The following TTLL9 variants were observed in gnomAD, a reference collection of about 807,000 sequenced individuals.
TTLL9 encodes tubulin tyrosine ligase like 9.
A neutral mutation model predicts 65.6 loss-of-function variants in TTLL9; 47 were observed. That is an observed-to-expected ratio of 0.72 (90% confidence interval 0.57 to 0.91). The LOEUF (loss-of-function observed/expected upper bound fraction) is 0.91. Among genes scored for constraint, TTLL9 ranks in the 40% least tolerant of loss-of-function variants. The pLI is 0.00. For missense variants in TTLL9, 537 were observed against 568.8 expected, an observed-to-expected ratio of 0.94 and a Z score of 0.57; for synonymous variants, 179 against 204.8, an observed-to-expected ratio of 0.87 and a Z score of 1.07.
intron 6 of TTLL9, among the ~76,000 whole-genome samples, chr20:31,912,481 A>T (rs1434433874): frequency 3.3e-5 from 5 of 152,134 alleles, no homozygotes; most frequent in African/African-American, 1.2e-4. Flanking sequence ...CCCACCCCAG[A>T]GTATGATTCA....
At chr20:31,882,834 T>C (rs768580459) in intron 2 of TTLL9, among the ~76,000 whole-genome samples, 1 of 152,228 alleles carries the variant, frequency 6.6e-6, no homozygotes, top group Non-Finnish European at 1.5e-5. Context: ...TCCTTTGAAC[T>C]GTATAGCTGA....
chr20:31,880,289 A>G (rs2063099634), intron 2 of TTLL9, among the ~76,000 whole-genome samples: 1 of 152,078 alleles, frequency 6.6e-6, no homozygotes, highest in African/African-American at 2.4e-5. Context: ...CCATCCATCC[A>G]TCCGTTTATT....
chr20:31,888,076 A>G (rs1033487114), intron 3 of TTLL9, among the ~76,000 whole-genome samples: 2 of 151,156 alleles, frequency 1.3e-5, no homozygotes, highest in African/African-American at 4.9e-5. Flanking sequence ...TAGAGACAGG[A>G]TTTCTCCATG....
At chr20:31,906,278 G>A (rs549988902) in intron 4 of TTLL9, among the ~76,000 whole-genome samples, 2 of 152,322 alleles carry the variant, frequency 1.3e-5, no homozygotes, top group Non-Finnish European at 1.5e-5. Flanking sequence ...CAGATCTGGA[G>A]GTCACCTGGT....
At position 31,929,493 on chromosome 20, in the gene TTLL9, G is replaced by T. The variant is rs576616862; in HGVS notation, c.748+3402G>T. 2.0e-5 allele frequency among the ~76,000 whole-genome samples: 3 copies of T among 152,068 alleles called. No individual in the cohort carries two copies. In the East Asian group the frequency reaches 5.8e-4, roughly 29 times the overall value. On this transcript the variant is annotated intron_variant, in intron 10 of 14. Coordinates refer to ENST00000535842, the MANE Select transcript of TTLL9 (RefSeq NM_001008409.5). ...ATTTCCTTCCAGGCTCATTTGTAGG[G>T]AATTTTGTTGTCATTCACCTTTTAT...
At chr20:31,919,782 C>A in intron 6 of TTLL9, 82 bp from the exon 7 acceptor site, 8 of 1,161,880 alleles carry the variant, frequency 6.9e-6, no homozygotes, top group Non-Finnish European at 9.6e-6. Flanking sequence ...GACAGATATG[C>A]TGGGGAGAGC....
In TTLL9 at chr20:31,934,714, G is replaced by A. The variant is rs373712171; in HGVS notation, c.830G>A (p.Arg277His). 6.7e-5 allele frequency: 108 copies of A among 1,611,866 alleles called. 1 individual carries two copies. Among genetic ancestry groups the A allele is most frequent in the Middle Eastern group, 6.5e-4 (3 of 4,594 alleles). ...CAGGGCTGCAAGTGGACGCTGCAGC[G>A]CTTCCGGCAGTACCTGGCGTCCAAA... The part of the protein sequence containing the change: ...PKKGCKWTLQ[R>H]FRQYLASKHG... The change falls in exon 12 of 15, where the codon CGC (arginine) becomes CAC (histidine). Residue 277 changes from arginine to histidine, a missense_variant. By Grantham distance (29) the Arg-to-His change is conservative. Coordinates refer to ENST00000535842, the MANE Select transcript of TTLL9 (RefSeq NM_001008409.5).
intron 2 of TTLL9, among the ~76,000 whole-genome samples, chr20:31,880,914 G>C (rs893777279): frequency 6.7e-6 from 1 of 148,500 alleles, no homozygotes; most frequent in Non-Finnish European, 1.5e-5. Flanking sequence ...GAGTGCAGTG[G>C]TGTTATCTTG....
At chr20:31,921,808 C>T (rs1480280830) in intron 7 of TTLL9, among the ~76,000 whole-genome samples, 2 of 151,948 alleles carry the variant, frequency 1.3e-5, no homozygotes, top group African/African-American at 4.8e-5. Flanking sequence ...GAACATCACA[C>T]ACCGGGGCTT....
intron 6 of TTLL9, among the ~76,000 whole-genome samples, chr20:31,913,040 G>T (rs538140364): frequency 6.6e-6 from 1 of 152,048 alleles, no homozygotes; most frequent in Non-Finnish European, 1.5e-5. Context: ...AGTGCCTGTA[G>T]TGCCAGCTAC....
chr20:31,872,668 G>T (rs1291307602), intron 2 of TTLL9, among the ~76,000 whole-genome samples: 1 of 152,146 alleles, frequency 6.6e-6, no homozygotes, highest in Non-Finnish European at 1.5e-5. Flanking sequence ...TCAAGCCTGG[G>T]TGACAGAGCG....
chr20:31,873,021 G>C (rs1033262008), intron 2 of TTLL9: 1 of 518,144 alleles, frequency 1.9e-6, no homozygotes, highest in African/African-American at 1.9e-5. Context: ...TTCCTTTATG[G>C]GGGCCACTGC....
chr20:31,926,340 A>T (rs1314478524), intron 10 of TTLL9, among the ~76,000 whole-genome samples: 1 of 152,180 alleles, frequency 6.6e-6, no homozygotes, highest in Non-Finnish European at 1.5e-5. Context: ...TCACTCATTC[A>T]TTCAAGTACA....
At chr20:31,900,556 C>A (rs1429117907) in intron 4 of TTLL9, among the ~76,000 whole-genome samples, 2 of 152,198 alleles carry the variant, frequency 1.3e-5, no homozygotes, top group African/African-American at 2.4e-5. Flanking sequence ...GTGCAGGTAA[C>A]TCAAGACACC....
At chr20:31,879,838 AGG>A in intron 2 of TTLL9, 1 of 1,549,792 alleles carries the variant, frequency 6.5e-7, no homozygotes, top group Non-Finnish European at 8.7e-7. Flanking sequence ...TAAGCACGCG[AGG>A]CGCGCGGTGG....
intron 7 of TTLL9, 102 bp downstream of exon 7, chr20:31,920,034 A>T: frequency 1.0e-5 from 11 of 1,092,838 alleles, no homozygotes; most frequent in Non-Finnish European, 1.4e-5. Context: ...GCTGGCAGAG[A>T]AACTCTGCCC....
intron 3 of TTLL9, among the ~76,000 whole-genome samples, chr20:31,890,154 C>CTTCCTTCCTTCCT (rs2063281386): frequency 7.4e-5 from 1 of 13,576 alleles, no homozygotes; most frequent in African/African-American, 6.9e-4. Flanking sequence ...TCCTTCCTTC[C>CTTCCTTCCTTCCT]TTCTTTCTTT....
At chr20:31,920,006 G>T in intron 7 of TTLL9, 74 bp downstream of exon 7, 2 of 1,332,654 alleles carry the variant, frequency 1.5e-6, no homozygotes, top group Admixed American at 2.6e-5. Flanking sequence ...ACTCCTTCCT[G>T]CAATCAAAGC....
At chr20:31,892,860 T>G (rs1274648588) in intron 3 of TTLL9, among the ~76,000 whole-genome samples, 1 of 152,240 alleles carries the variant, frequency 6.6e-6, no homozygotes, top group Non-Finnish European at 1.5e-5. Flanking sequence ...ACACTTCTGT[T>G]TGCTCCCCTC....
Sources: allele counts gnomAD v4.1 joint callset (sites outside exome capture counted in the v4.1 genomes callset), GRCh38; gene constraint gnomAD v4.1.1; transcripts MANE v1.5; gene names NCBI Gene and HGNC (gene_info 2026-07-23, HGNC 2026-07-21).